Variants in RALYL observed in about 807,000 individuals in gnomAD.
RALYL encodes the protein RALY RNA binding protein like, also known as RNA-binding Raly-like protein.
Under a neutral mutation model 35.1 loss-of-function variants are expected in RALYL, and 29 were observed. That is an observed-to-expected ratio of 0.83 (90% CI 0.61 to 1.13). RALYL has a LOEUF of 1.13. Ranked by LOEUF, RALYL falls within the 50% of genes most tolerant of loss-of-function variation. The pLI is 0.00. For missense variants in RALYL, 359 were observed against 360.4 expected (o/e 1.00, Z 0.03); for synonymous variants, 120 against 127.6 (o/e 0.94, Z 0.40).
intron 1 of RALYL, among the ~76,000 whole-genome samples, chr8:84,193,901 A>G (rs1195414868): frequency 4.6e-5 from 7 of 152,186 alleles, no homozygotes; most frequent in African/African-American, 7.2e-5. Flanking sequence ...ATATGAAGAT[A>G]TAAATAAATC....
intron 2 of RALYL, among the ~76,000 whole-genome samples, chr8:84,764,302 T>C (rs924446008): frequency 3.3e-5 from 5 of 152,148 alleles, no homozygotes; most frequent in African/African-American, 1.2e-4. Context: ...TCATGTTTGT[T>C]TACCCAAACT....
intron 1 of RALYL, among the ~76,000 whole-genome samples, chr8:84,311,753 C>A (rs1842862677): frequency 6.6e-6 from 1 of 152,074 alleles, no homozygotes; most frequent in South Asian, 2.1e-4. Flanking sequence ...GCTAGCCATG[C>A]TGGATATTGA....
intron 1 of RALYL, among the ~76,000 whole-genome samples, chr8:84,377,462 T>TTG (rs1554640576): frequency 2.0e-5 from 3 of 146,838 alleles, no homozygotes; most frequent in African/African-American, 7.7e-5. Context: ...TTTTTTTTTT[T>TTG]TTTTTTTTTT....
chr8:84,258,638 A>G lies in RALYL; in HGVS notation c.-24+74214A>G, dbSNP rs531011218. Among the ~76,000 whole-genome samples, 3 of 152,314 alleles carry G rather than the reference A, an allele frequency of 2.0e-5. No homozygotes were observed. The South Asian group carries it at 6.2e-4, about 32-fold the overall frequency. On this transcript the variant is annotated intron_variant, in intron 1 of 8. Transcript: ENST00000521268. ...TCATTCTTAAGATTGTAATACAGTC[A>G]GAGAAATTACAGTAGTTTTAATGGT...
At chr8:84,442,200 A>G (rs909489613) in intron 1 of RALYL, among the ~76,000 whole-genome samples, 1 of 152,004 alleles carries the variant, frequency 6.6e-6, no homozygotes, top group Admixed American at 6.6e-5. Flanking sequence ...TTCTTGTTAT[A>G]CTCATTTTTG....
intron 1 of RALYL, among the ~76,000 whole-genome samples, chr8:84,370,524 G>A (rs568753824): frequency 2.0e-5 from 3 of 151,908 alleles, no homozygotes; most frequent in East Asian, 1.9e-4. Flanking sequence ...TCTGTTAAAC[G>A]GGGAACCATA....
chr8:84,561,636 G>T (rs1175601096), intron 2 of RALYL, among the ~76,000 whole-genome samples: 2 of 151,854 alleles, frequency 1.3e-5, no homozygotes, highest in Non-Finnish European at 2.9e-5. Flanking sequence ...GCACTTTGGG[G>T]CCATTATTCA....
intron 2 of RALYL, among the ~76,000 whole-genome samples, chr8:84,651,649 G>T (rs1828855671): frequency 6.6e-6 from 1 of 151,914 alleles, no homozygotes; most frequent in Non-Finnish European, 1.5e-5. Context: ...ACAGACTTTG[G>T]AATTGACAAA....
chr8:84,870,840 G>A lies in RALYL; in HGVS notation c.572-2444G>A, dbSNP rs115018129. Among the ~76,000 whole-genome samples, 545 of 152,154 alleles carry A rather than the reference G, an allele frequency of 3.6e-3. 3 individuals are homozygous for A. The highest frequency in any genetic ancestry group is 0.013 in the African/African-American group (527 of 41,522). ...CTCTGCATGAAGAAAAGTAGAAAGT[G>A]GACTAAGGCCAATTGGACTAGGTAA... On this transcript the variant is annotated intron_variant, in intron 6 of 8. Transcript: ENST00000521268.
intron 1 of RALYL, among the ~76,000 whole-genome samples, chr8:84,198,197 G>A (rs1192303731): frequency 1.3e-5 from 2 of 152,142 alleles, no homozygotes; most frequent in Non-Finnish European, 2.9e-5. Context: ...CCAGCATGAA[G>A]GAGAAAGGAC....
At chr8:84,884,886 C>G (rs896186984) in intron 7 of RALYL, among the ~76,000 whole-genome samples, 3 of 151,978 alleles carry the variant, frequency 2.0e-5, no homozygotes, top group African/African-American at 7.2e-5. Context: ...GGCAGGGTGA[C>G]ATAGAGTGGC....
intron 1 of RALYL, among the ~76,000 whole-genome samples, chr8:84,442,861 G>T (rs1254519627): frequency 6.6e-6 from 1 of 152,058 alleles, no homozygotes; most frequent in African/African-American, 2.4e-5. Context: ...TTGGTCAAGG[G>T]TAAAATATAA....
chr8:84,530,692 A>T (rs2059221449), intron 2 of RALYL, among the ~76,000 whole-genome samples: 1 of 152,114 alleles, frequency 6.6e-6, no homozygotes, highest in South Asian at 2.1e-4. Flanking sequence ...TCTTTTAAAA[A>T]CATTGATCAG....
chr8:84,894,055 A>C (rs1844323268), intron 8 of RALYL, among the ~76,000 whole-genome samples: 2 of 152,168 alleles, frequency 1.3e-5, no homozygotes, highest in South Asian at 4.1e-4. Context: ...CTGGACCTCA[A>C]ATCCAATCCT....
intron 1 of RALYL, among the ~76,000 whole-genome samples, chr8:84,252,546 T>G (rs914000658): frequency 1.3e-5 from 2 of 152,172 alleles, no homozygotes; most frequent in Admixed American, 1.3e-4. Flanking sequence ...TATTCAACTA[T>G]GTATTTTTAA....
At chr8:84,532,758 G>T (rs1030996192) in intron 2 of RALYL, among the ~76,000 whole-genome samples, 9 of 151,928 alleles carry the variant, frequency 5.9e-5, no homozygotes, top group African/African-American at 2.2e-4. Context: ...ATTTATATAT[G>T]ATTTAGAGAT....
intron 7 of RALYL, among the ~76,000 whole-genome samples, chr8:84,878,357 C>T (rs1001579365): frequency 9.9e-5 from 15 of 152,134 alleles, no homozygotes; most frequent in African/African-American, 3.4e-4. Context: ...CAGTTGAGAA[C>T]ATGAGCAGCC....
At chr8:84,726,836 G>A (rs1047517253) in intron 2 of RALYL, among the ~76,000 whole-genome samples, 1 of 152,016 alleles carries the variant, frequency 6.6e-6, no homozygotes, top group Non-Finnish European at 1.5e-5. Flanking sequence ...GCTAGGCCTT[G>A]TGAGGGTTGT....
At chr8:84,380,082 T>G (rs1169441235) in intron 1 of RALYL, among the ~76,000 whole-genome samples, 4 of 150,846 alleles carry the variant, frequency 2.7e-5, no homozygotes, top group Admixed American at 2.7e-4. Flanking sequence ...TGTGTGTGTG[T>G]GGTGTACACA....
Sources: gnomAD v4.1 joint callset for allele counts (sites outside exome capture counted in the v4.1 genomes callset) on GRCh38, gnomAD v4.1.1 for gene constraint, MANE v1.5 for transcripts, NCBI Gene and HGNC (gene_info 2026-07-23, HGNC 2026-07-21) for gene names.